The following CFAP74 variants were observed in gnomAD, a reference collection of about 807,000 sequenced individuals.
CFAP74 encodes cilia- and flagella-associated protein 74.
In CFAP74, 124 loss-of-function variants were observed where a neutral mutation model predicts 188.9. The observed-to-expected ratio is 0.66, with a 90% CI of 0.57 to 0.76. The LOEUF (loss-of-function observed/expected upper bound fraction) is 0.76. Among genes scored for constraint, CFAP74 ranks in the 30% least tolerant of loss-of-function variants. CFAP74 has a pLI of 0.00. For missense variants in CFAP74, 2,198 were observed against 2,165.2 expected (o/e 1.02, Z -0.30); for synonymous variants, 956 against 916.7 (o/e 1.04, Z -0.77).
At position 1,965,078 on chromosome 1, in the gene CFAP74, C is replaced by CA. The variant is rs745594144; in HGVS notation, c.1402-18dup. ...CTTGGGCACCTGGGGGTCACAGAGA[C>CA]AGAGGCTGGGGCTGTTAGCGGCTCC... On this transcript the variant is annotated splice_polypyrimidine_tract_variant and intron_variant, in intron 12 of 38. Transcript: ENST00000682832. The CA allele has an allele frequency of 1.9e-6, 3 of 1,609,252 alleles. No homozygotes were observed. Among genetic ancestry groups the CA allele is most frequent in the South Asian group, 2.2e-5 (2 of 90,812 alleles).
At chr1:1,964,769 G>A (rs548223600) in intron 13 of CFAP74, 119 bp downstream of exon 13, 24 of 1,070,588 alleles carry the variant, frequency 2.2e-5, no homozygotes, top group African/African-American at 1.8e-4. Context: ...CAGCCTGGGC[G>A]ACAGAGTGAG....
At chr1:1,952,228 C>G (rs1654242287) in intron 18 of CFAP74, among the ~76,000 whole-genome samples, 1 of 152,074 alleles carries the variant, frequency 6.6e-6, no homozygotes, top group South Asian at 2.1e-4. Context: ...GCTGGGATTA[C>G]AGGCGTGAGC....
chr1:1,983,332 C>G (rs1657025175), intron 6 of CFAP74, among the ~76,000 whole-genome samples: 1 of 152,258 alleles, frequency 6.6e-6, no homozygotes, highest in African/African-American at 2.4e-5. Context: ...AGCTACGCAT[C>G]AGTTTCCAAG....
At chr1:1,971,805 C>T (rs139389175) in intron 9 of CFAP74, among the ~76,000 whole-genome samples, 175 bp downstream of exon 9, 229 of 152,382 alleles carry the variant, frequency 1.5e-3, no homozygotes, top group African/African-American at 5.1e-3. Flanking sequence ...CTGACCCACA[C>T]GGAACCCGTG....
rs779466696 is a variant in CFAP74, at chr1:1,960,013, G to T, written c.1712C>A (p.Pro571His). 2 of 1,592,944 alleles carry T rather than the reference G, an allele frequency of 1.3e-6. No homozygotes were observed. The highest frequency in any genetic ancestry group is 2.8e-5 in the African/African-American group (2 of 72,672). Residue 571 changes from proline to histidine, a missense_variant, in exon 15 of 39, where the codon CCC becomes CAC. Physicochemically the swap from Pro to His is moderately conservative, Grantham distance 77. Transcript: ENST00000682832. ...TTCACAGGACATTCCGGCTGACAGG[G>T]GGCCAGGGGGGTCAAAGCTGCAGGA... is the stretch of plus-strand genomic sequence containing the variant. Reference protein sequence around the residue: ...FIHVDFDPPGPLSAGMSCEVL... With the variant: ...FIHVDFDPPGHLSAGMSCEVL...
At chr1:1,932,066 CAAAAAAA>C (rs1214190743) in intron 25 of CFAP74, among the ~76,000 whole-genome samples, 9 of 49,430 alleles carry the variant, frequency 1.8e-4, no homozygotes, top group African/African-American at 7.2e-4. Context: ...ACTCTCGCCT[CAAAAAAA>C]AAAAAACAAA....
intron 9 of CFAP74, among the ~76,000 whole-genome samples, chr1:1,971,031 AC>A (rs1655958240): frequency 6.8e-6 from 1 of 147,116 alleles, no homozygotes; most frequent in South Asian, 2.2e-4. Context: ...TCACACATGC[AC>A]ACCTGCACAC....
intron 26 of CFAP74, 61 bp downstream of exon 26, chr1:1,929,999 G>A: frequency 6.9e-7 from 1 of 1,459,696 alleles, no homozygotes; most frequent in East Asian, 2.5e-5. Context: ...GACACCCCAG[G>A]GGTAAATGCA....
chr1:1,924,075 C>T (rs1651620826), intron 34 of CFAP74, 146 bp from the exon 35 acceptor site: 1 of 685,516 alleles, frequency 1.5e-6, no homozygotes, highest in East Asian at 3.7e-5. Context: ...CTTGCGCCCC[C>T]CACTCCTCCC....
At chr1:1,952,487 G>A (rs1654262737) in intron 18 of CFAP74, among the ~76,000 whole-genome samples, 2 of 151,876 alleles carry the variant, frequency 1.3e-5, no homozygotes, top group African/African-American at 4.8e-5. Context: ...GTCAAAGACT[G>A]TCAGACTGGA....
At chr1:1,932,100 ACTT>A (rs1652452221) in intron 25 of CFAP74, among the ~76,000 whole-genome samples, 5 of 140,606 alleles carry the variant, frequency 3.6e-5, no homozygotes, top group African/African-American at 1.3e-4. Flanking sequence ...AAAACAAAAA[ACTT>A]AGAAAAATGT....
At chr1:1,960,865 CCG>C (rs1655038331) in intron 14 of CFAP74, among the ~76,000 whole-genome samples, 2 of 152,134 alleles carry the variant, frequency 1.3e-5, no homozygotes, top group African/African-American at 4.8e-5. Flanking sequence ...GAGTGCAGGG[CCG>C]AGCTCCAAAC....
intron 6 of CFAP74, among the ~76,000 whole-genome samples, chr1:1,981,077 G>A (rs368976643): frequency 1.5e-4 from 23 of 152,330 alleles, no homozygotes; most frequent in African/African-American, 5.3e-4. Context: ...CGCTGGAAGC[G>A]GGGACCACGC....
chr1:1,981,723 CAG>C (rs2102095429), intron 6 of CFAP74, among the ~76,000 whole-genome samples: 5 of 140,282 alleles, frequency 3.6e-5, no homozygotes, highest in Non-Finnish European at 7.6e-5. Context: ...CAGCCGCGGA[CAG>C]ACACGGGGGC....
At chr1:1,974,503 C>A (rs1432764899) in intron 6 of CFAP74, among the ~76,000 whole-genome samples, 1 of 152,228 alleles carries the variant, frequency 6.6e-6, no homozygotes, top group Non-Finnish European at 1.5e-5. Context: ...GGGGCAGGCC[C>A]TGCCCAGCCT....
In CFAP74 at chr1:1,923,817, G is replaced by A. The variant is rs1294678912; in HGVS notation, c.4347C>T (p.Ser1449=). 1 of 1,613,490 alleles carries A rather than the reference G, an allele frequency of 6.2e-7. No homozygotes were observed. Among genetic ancestry groups the A allele is most frequent in the Admixed American group, 1.7e-5 (1 of 60,002 alleles). Residue 1449 remains serine, a synonymous_variant, in exon 35 of 39, where the codon AGC becomes AGT. Coordinates refer to ENST00000682832, the MANE Select transcript of CFAP74 (RefSeq NM_001304360.2). The surrounding 1 kb of genome is among the most constrained non-coding windows in gnomAD (Gnocchi z 6.3). ...FTVTFSPDHE[S]LYFSDKLQVV... ...CCTGGAGCTTGTCGGAGAAGTAGAG[G>A]CTTTCGTGGTCGGGGCTGAAGGTGA...
In CFAP74 at chr1:1,926,225, C is replaced by T. The variant is rs1651878388; in HGVS notation, c.3948+3G>A. The T allele has an allele frequency of 6.6e-7, 1 of 1,504,368 alleles. No individual in the cohort carries two copies. The highest frequency in any genetic ancestry group is 8.9e-7 in the Non-Finnish European group (1 of 1,122,848). 93.2% of individuals were successfully genotyped at this position (1,504,368 alleles called of 1,614,324 possible). A position where few individuals can be genotyped will look rare whatever the true frequency, so the allele number is the denominator to read the frequency against. ...GTGTGGCCAGGGTGGGCCTGGGACT[C>T]ACCAGGATGCTCTCGTGGGGAGAGA... On this transcript the variant is annotated splice_donor_region_variant and intron_variant, in intron 32 of 38. Coordinates refer to ENST00000682832, the MANE Select transcript of CFAP74 (RefSeq NM_001304360.2).
At chr1:1,993,439 C>A (rs939847251) in intron 1 of CFAP74, among the ~76,000 whole-genome samples, 1 of 151,550 alleles carries the variant, frequency 6.6e-6, no homozygotes, top group Non-Finnish European at 1.5e-5. Context: ...GCACGCACCA[C>A]CACACCCAAC....
At chr1:1,953,878 T>C (rs1045681231) in intron 18 of CFAP74, 4 of 152,154 alleles carry the variant, frequency 2.6e-5, no homozygotes, top group African/African-American at 9.7e-5. Flanking sequence ...AGAACTTTGA[T>C]TTGAGAAAAG....
Sources: gnomAD v4.1 joint callset for allele counts (sites outside exome capture counted in the v4.1 genomes callset) on GRCh38, gnomAD v4.1.1 for gene constraint, Gnocchi (gnomAD v3.1) non-coding constraint, MANE v1.5 for transcripts, NCBI Gene and HGNC (gene_info 2026-07-23, HGNC 2026-07-21) for gene names.